The following DNAH3 variants were observed in gnomAD, a reference collection of about 807,000 sequenced individuals.
DNAH3 encodes the protein axonemal beta dynein heavy chain 3.
DNAH3 carries 332 observed loss-of-function variants against 432.5 expected under a neutral mutation model. That is an observed-to-expected ratio of 0.77 (90% CI 0.70 to 0.84). The LOEUF (loss-of-function observed/expected upper bound fraction) is 0.84. DNAH3 is among the 40% of genes least tolerant of loss of function. The pLI is 0.00. For missense variants in DNAH3, 4,861 were observed against 5,114.0 expected (o/e 0.95, Z 1.51); for synonymous variants, 1,956 against 1,900.2 (o/e 1.03, Z -0.76).
At chr16:20,985,789 A>T (rs2086163543) in intron 47 of DNAH3, 74 bp from the exon 48 acceptor site, 1 of 1,447,744 alleles carries the variant, frequency 6.9e-7, no homozygotes, top group Non-Finnish European at 9.4e-7. Flanking sequence ...TCATGGAGGG[A>T]GGGCATGGGA....
intron 58 of DNAH3, among the ~76,000 whole-genome samples, chr16:20,944,073 CT>C (rs1452408199): frequency 6.6e-6 from 1 of 151,224 alleles, no homozygotes; most frequent in African/African-American, 2.4e-5. Context: ...CTTTCATTTT[CT>C]TTTTGTGCGT....
At chr16:21,107,428 T>C (rs2091973886) in intron 14 of DNAH3, among the ~76,000 whole-genome samples, 1 of 151,810 alleles carries the variant, frequency 6.6e-6, no homozygotes, top group Non-Finnish European at 1.5e-5. Context: ...TAAGTAGAGA[T>C]GGGGTTTTGC....
intron 14 of DNAH3, among the ~76,000 whole-genome samples, chr16:21,109,646 C>T (rs936034699): frequency 2.6e-5 from 4 of 152,012 alleles, no homozygotes; most frequent in African/African-American, 9.7e-5. Context: ...GTGGCCCAGG[C>T]TGGAGTGCAG....
intron 3 of DNAH3, 83 bp from the exon 5 acceptor site, chr16:21,141,455 C>A: frequency 1.9e-6 from 2 of 1,034,270 alleles, no homozygotes; most frequent in Non-Finnish European, 2.9e-6. Context: ...ACTCTCGGAA[C>A]AGTCCAGGAG....
In DNAH3 at chr16:21,117,298, C is replaced by T. The variant is rs769394903; in HGVS notation, c.1719G>A (p.Leu573=). 2.5e-6 allele frequency: 4 copies of T among 1,609,876 alleles called. No individual in the cohort carries two copies. The South Asian group carries it at 3.3e-5, about 13-fold the overall frequency. Residue 573 remains leucine (L), a synonymous_variant, in exon 12 of 62, where the codon CTG becomes CTA. Transcript: ENST00000261383. ...CTTCTGCGTTAACAGTTCCAAGGAGCAGATTATATCCTTTCAGCTCTGGGA... is the reference window on the plus strand; with the variant it reads ...CTTCTGCGTTAACAGTTCCAAGGAGTAGATTATATCCTTTCAGCTCTGGGA...
intron 50 of DNAH3, among the ~76,000 whole-genome samples, chr16:20,978,243 A>G (rs1292720571): frequency 6.6e-6 from 1 of 152,106 alleles, no homozygotes; most frequent in Non-Finnish European, 1.5e-5. Context: ...TTAAAGGGAC[A>G]AGGTGGCCGG....
chr16:21,106,428 T>C lies in DNAH3; in HGVS notation c.2284+62A>G, dbSNP rs866867489. On this transcript the variant is annotated intron_variant, in intron 15 of 61. Coordinates refer to ENST00000261383, the Ensembl canonical transcript of DNAH3. ...TATAGACTATTTGAAATGTTATATA[T>C]ACAAATATAAAATATACATATAGGT... 6.2e-6 allele frequency: 8 copies of C among 1,300,274 alleles called. No individual in the cohort carries two copies. The South Asian group carries it at 8.3e-5, about 13-fold the overall frequency. 80.5% of individuals were successfully genotyped at this position (1,300,274 alleles called of 1,614,324 possible).
chr16:21,049,087 G>C (rs561844651), intron 31 of DNAH3, among the ~76,000 whole-genome samples: 2 of 151,784 alleles, frequency 1.3e-5, no homozygotes, highest in African/African-American at 4.8e-5. Context: ...TCGAACTCCT[G>C]GGCTCAAGCA....
At chr16:21,051,545 A>T in intron 29 of DNAH3, 125 bp downstream of exon 29, 1 of 958,582 alleles carries the variant, frequency 1.0e-6, no homozygotes, top group Non-Finnish European at 1.6e-6. Context: ...GGGACTATGG[A>T]GAATCTAATA....
chr16:20,990,379 G>T (rs181302916), intron 44 of DNAH3, among the ~76,000 whole-genome samples: 5 of 152,210 alleles, frequency 3.3e-5, no homozygotes, highest in Non-Finnish European at 1.5e-5. Context: ...ATATATACCA[G>T]CTTTATTGAT....
In DNAH3 at chr16:20,985,333, C is replaced by T. The variant is rs765298123; in HGVS notation, c.7409G>A (p.Arg2470Gln). Residue 2470 changes from arginine to glutamine, a missense_variant, in exon 48 of 62, where the codon CGA (arginine) becomes CAA (glutamine). Coordinates refer to ENST00000261383, the Ensembl canonical transcript of DNAH3. ...CAGTATGATCTTCTTAAGATCTTCTCGCCAGTCATTGCCTGCGTAGTTCTT... is the reference window on the plus strand; with the variant it reads ...CAGTATGATCTTCTTAAGATCTTCTTGCCAGTCATTGCCTGCGTAGTTCTT... The T allele has an allele frequency of 2.0e-5, 32 of 1,614,080 alleles. No homozygotes were observed. In the East Asian group the frequency reaches 3.3e-4, roughly 17 times the overall value.
At chr16:21,092,578 T>A (rs2091566219) in intron 18 of DNAH3, among the ~76,000 whole-genome samples, 1 of 151,308 alleles carries the variant, frequency 6.6e-6, no homozygotes, top group African/African-American at 2.4e-5. Context: ...GGCTTTTTAG[T>A]TACAACACAG....
At chr16:21,063,935 A>G (rs886354849) in intron 24 of DNAH3, among the ~76,000 whole-genome samples, 2 of 152,212 alleles carry the variant, frequency 1.3e-5, no homozygotes, top group Non-Finnish European at 2.9e-5. Context: ...AATGTCCAAT[A>G]TTCAAACCTG....
chr16:21,001,497 G>C (rs1207692371), intron 42 of DNAH3, among the ~76,000 whole-genome samples: 1 of 152,142 alleles, frequency 6.6e-6, no homozygotes, highest in Non-Finnish European at 1.5e-5. Flanking sequence ...GCGCCACCTA[G>C]GTCTGTGCGA....
intron 11 of DNAH3, among the ~76,000 whole-genome samples, chr16:21,119,879 G>A (rs183411878): frequency 3.4e-4 from 51 of 150,292 alleles, no homozygotes; most frequent in East Asian, 2.9e-3. Context: ...TAGTAGAGAC[G>A]GGGTTTCACC....
At chr16:21,116,044 A>G (rs796240320) in intron 12 of DNAH3, among the ~76,000 whole-genome samples, 2 of 152,278 alleles carry the variant, frequency 1.3e-5, no homozygotes, top group African/African-American at 2.4e-5. Context: ...CAGCCCCCAC[A>G]ATATAATTTT....
At chr16:21,019,927 C>A in intron 40 of DNAH3, 58 bp from the exon 41 acceptor site, 1 of 1,583,820 alleles carries the variant, frequency 6.3e-7, no homozygotes. Flanking sequence ...GATGTAAGGG[C>A]TGTGAACTGG....
exon 25 of DNAH3, chr16:21,062,545 G>A (rs2090397971): frequency 3.1e-6 from 5 of 1,614,090 alleles, no homozygotes; most frequent in Admixed American, 3.3e-5. Context: ...AGCTGATCAT[G>A]CCCACAATTT....
At chr16:21,141,841 A>T (rs2092723247) in intron 3 of DNAH3, among the ~76,000 whole-genome samples, 2 of 152,020 alleles carry the variant, frequency 1.3e-5, no homozygotes, top group South Asian at 4.1e-4. Context: ...ACCTGAGGTC[A>T]GGAGTTCACG....
Sources: gnomAD v4.1 joint callset for allele counts (sites outside exome capture counted in the v4.1 genomes callset) on GRCh38, gnomAD v4.1.1 for gene constraint, MANE v1.5 for transcripts, NCBI Gene and HGNC (gene_info 2026-07-23, HGNC 2026-07-21) for gene names.